The following HEPACAM2 variants were observed in gnomAD, a reference collection of about 807,000 sequenced individuals.
HEPACAM2 encodes the protein mitotic kinetics regulator.
In HEPACAM2, 49 loss-of-function variants were observed where a neutral mutation model predicts 49.6. That is an observed-to-expected ratio of 0.99 (90% CI 0.78 to 1.25). The LOEUF (loss-of-function observed/expected upper bound fraction) is 1.25, where lower values mean the gene tolerates loss of function less well. HEPACAM2 is among the 50% of genes most tolerant of loss of function. HEPACAM2 has a pLI of 0.00. For missense variants in HEPACAM2, 525 were observed against 557.2 expected (o/e 0.94, Z 0.58); for synonymous variants, 197 against 202.9 (o/e 0.97, Z 0.25).
At position 93,208,868 on chromosome 7, in the gene HEPACAM2, A is replaced by G. The variant is rs1373318641; in HGVS notation, c.724T>C (p.Tyr242His). The G allele has an allele frequency of 1.3e-6, 2 of 1,598,202 alleles. No homozygotes were observed. Among genetic ancestry groups the G allele is most frequent in the South Asian group, 2.2e-5 (2 of 88,908 alleles). The change falls in exon 4 of 10, where the codon TAT (tyrosine) becomes CAT (histidine). Residue 242 changes from tyrosine to histidine, a missense_variant. Tyr to His is a moderately conservative substitution (Grantham distance 83). Coordinates refer to ENST00000394468, the MANE Select transcript of HEPACAM2 (RefSeq NM_001039372.4). ...IIMPIIYYGP[Y>H]GLQVNSDKGL... The stretch of plus-strand genomic sequence containing the variant: ...TTATCAGAATTCACTTGAAGTCCAT[A>G]AGGTCCATCTGCATCAATATAAAAA...
intron 1 of HEPACAM2, chr7:93,225,943 CA>C: frequency 7.3e-7 from 1 of 1,372,156 alleles, no homozygotes; most frequent in Non-Finnish European, 9.8e-7. Context: ...AAACAGTTTG[CA>C]ACAATATCTT....
chr7:93,230,647 T>G (rs1794609480), upstream of HEPACAM2, among the ~76,000 whole-genome samples: 1 of 152,226 alleles, frequency 6.6e-6, no homozygotes, highest in South Asian at 2.1e-4. Flanking sequence ...TGGCTGGCAG[T>G]TTTTGTTTCT....
intron 4 of HEPACAM2, among the ~76,000 whole-genome samples, chr7:93,202,032 C>CAAAAAAAAAAAA (rs71998232): frequency 2.9e-5 from 3 of 102,006 alleles, no homozygotes; most frequent in Non-Finnish European, 5.8e-5. Context: ...AAAAAAAAAC[C>CAAAAAAAAAAAA]AAAAAAAAAA....
At chr7:93,226,238 T>C (rs910148074) in intron 1 of HEPACAM2, 130 bp downstream of exon 1, 12 of 644,076 alleles carry the variant, frequency 1.9e-5, no homozygotes, top group Non-Finnish European at 3.0e-5. Context: ...GTGTTATTGT[T>C]AAAAGGTTCT....
chr7:93,197,132 T>A lies in HEPACAM2; in HGVS notation c.1201+109A>T, dbSNP rs1793746194. On this transcript the variant is annotated intron_variant, in intron 7 of 9. Coordinates refer to ENST00000394468, the MANE Select transcript of HEPACAM2 (RefSeq NM_001039372.4). ...ACTCAAAGGTAAGAGACTGTTATAT[T>A]AATTTTAGCTCATATTAATTATATT... 5 of 731,030 alleles carry A rather than the reference T, an allele frequency of 6.8e-6. No homozygotes were observed. In the East Asian group the frequency reaches 1.6e-4, roughly 23 times the overall value. 45.3% of individuals were successfully genotyped at this position (731,030 alleles called of 1,614,324 possible).
chr7:93,195,468 C>G (rs1793687471), intron 8 of HEPACAM2, among the ~76,000 whole-genome samples: 1 of 152,130 alleles, frequency 6.6e-6, no homozygotes, highest in Non-Finnish European at 1.5e-5. Flanking sequence ...ATCTTTCCAT[C>G]TCAGCCTCCC....
chr7:93,216,969 T>G (rs2116708337), intron 2 of HEPACAM2, among the ~76,000 whole-genome samples: 1 of 152,108 alleles, frequency 6.6e-6, no homozygotes, highest in South Asian at 2.1e-4. Flanking sequence ...TAGAAGAAAG[T>G]GAAAGATAAG....
chr7:93,217,803 AAGAG>A (rs1794340246), intron 2 of HEPACAM2, among the ~76,000 whole-genome samples: 1 of 152,110 alleles, frequency 6.6e-6, no homozygotes, highest in East Asian at 1.9e-4. Flanking sequence ...AGCTATGAAA[AAGAG>A]AGAAGCAGAA....
intron 4 of HEPACAM2, among the ~76,000 whole-genome samples, chr7:93,202,056 A>T (rs1365273643): frequency 6.7e-6 from 1 of 148,506 alleles, no homozygotes; most frequent in Non-Finnish European, 1.5e-5. Context: ...AAAACCACAA[A>T]AACCAGAAAA....
At chr7:93,191,128 T>C (rs924524443) in intron 9 of HEPACAM2, among the ~76,000 whole-genome samples, 3 of 152,068 alleles carry the variant, frequency 2.0e-5, no homozygotes, top group African/African-American at 4.8e-5. Context: ...TTAGGTATCA[T>C]TTTAGAGTTT....
In HEPACAM2 at chr7:93,219,456, T is replaced by C; in HGVS notation, c.80-5A>G. The C allele has an allele frequency of 6.2e-7, 1 of 1,613,740 alleles. No homozygotes were observed. Among genetic ancestry groups the C allele is most frequent in the Non-Finnish European group, 8.5e-7 (1 of 1,179,926 alleles). On this transcript the variant is annotated splice_region_variant and splice_polypyrimidine_tract_variant and intron_variant, in intron 1 of 9. Coordinates refer to ENST00000394468, the MANE Select transcript of HEPACAM2 (RefSeq NM_001039372.4). ...CCTTCAGCCCCGAGCAAGCACCTGT[T>C]GCAAAGGAAAGGAAAGTTGTGAAGA...
chr7:93,194,379 G>T (rs1793630467), intron 8 of HEPACAM2, among the ~76,000 whole-genome samples: 1 of 152,160 alleles, frequency 6.6e-6, no homozygotes, highest in Non-Finnish European at 1.5e-5. Context: ...CCAATTTGAA[G>T]CCACACCTCA....
In HEPACAM2 at chr7:93,208,887, A is replaced by G. The variant is rs771612221; in HGVS notation, c.716-11T>C. Reference sequence around the variant, plus strand: ...GTCCATAAGGTCCATCTGCATCAATATAAAAAAAAATAGATAAGTAACACA... The same window carrying G: ...GTCCATAAGGTCCATCTGCATCAATGTAAAAAAAAATAGATAAGTAACACA... On this transcript the variant is annotated splice_polypyrimidine_tract_variant and intron_variant, in intron 3 of 9. Transcript: ENST00000394468. The G allele has an allele frequency of 4.6e-6, 7 of 1,534,142 alleles. No homozygotes were observed. The African/African-American group carries it at 7.4e-5, about 16-fold the overall frequency.
At chr7:93,225,473 G>C (rs28463875) in intron 1 of HEPACAM2, among the ~76,000 whole-genome samples, 269 of 152,126 alleles carry the variant, frequency 1.8e-3, no homozygotes, top group African/African-American at 6.3e-3. Context: ...ACAAAATATA[G>C]GAGTGAAAGT....
chr7:93,232,216 C>A, the HEPACAM2 span: 1 of 469,686 alleles, frequency 2.1e-6, no homozygotes, highest in Non-Finnish European at 3.9e-6. Flanking sequence ...TATTTACCGG[C>A]TTAACTGAAG....
Position 93,219,125 on chromosome 7 carries a change from G to A in HEPACAM2, c.406C>T (p.Gln136Ter). 1.2e-6 allele frequency: 2 copies of A among 1,613,788 alleles called. No homozygotes were observed. Among genetic ancestry groups the A allele is most frequent in the South Asian group, 2.2e-5 (2 of 91,044 alleles). The stretch of plus-strand genomic sequence containing the variant: ...CCATCAACCGTGACTTGTATCTTCT[G>A]ACTGGCAGATAGAGTTCCATTTCCC... ...IQGNGTLSAS[Q>*]KIQVTVDDPV... Residue 136 changes from glutamine (Q) to a stop codon, truncating the protein, a stop_gained, in exon 2 of 10, where the codon CAG becomes TAG. Transcript: ENST00000394468. LOFTEE classifies it high-confidence loss of function.
chr7:93,227,290 T>C (rs1308029093), upstream of HEPACAM2, among the ~76,000 whole-genome samples: 3 of 152,208 alleles, frequency 2.0e-5, no homozygotes, highest in Admixed American at 2.0e-4. Flanking sequence ...GTCCGCTTAA[T>C]TTACTAAGTT....
At chr7:93,214,059 A>G (rs188035200) in intron 3 of HEPACAM2, among the ~76,000 whole-genome samples, 119 of 152,264 alleles carry the variant, frequency 7.8e-4, no homozygotes, top group Middle Eastern at 3.4e-3. Context: ...ACCAACCAGA[A>G]CAAAAACAGG....
intron 8 of HEPACAM2, among the ~76,000 whole-genome samples, chr7:93,194,466 G>A (rs1336173388): frequency 6.6e-6 from 1 of 152,082 alleles, no homozygotes; most frequent in Non-Finnish European, 1.5e-5. Flanking sequence ...TCTTTTGGTT[G>A]TGGAAGTGAA....
Sources: gnomAD v4.1 joint callset for allele counts (sites outside exome capture counted in the v4.1 genomes callset) on GRCh38, gnomAD v4.1.1 for gene constraint, MANE v1.5 for transcripts, NCBI Gene and HGNC (gene_info 2026-07-23, HGNC 2026-07-21) for gene names.